The following ABCC2 variants were observed in gnomAD, a reference collection of about 807,000 sequenced individuals.
The protein encoded by ABCC2 is ATP binding cassette subfamily C member 2.
Under a neutral mutation model 173.4 loss-of-function variants are expected in ABCC2, and 157 were observed. The ratio of observed to expected loss-of-function variants is 0.91; its 90% CI spans 0.80 to 1.03. ABCC2 has a LOEUF of 1.03. Among genes scored for constraint, ABCC2 ranks in the 50% least tolerant of loss-of-function variants. The probability of loss-of-function intolerance (pLI) is 0.00; values close to 1 mark genes in which losing one functional copy is unlikely to be tolerated. For synonymous variants in ABCC2, 657 were observed against 693.5 expected, an observed-to-expected ratio of 0.95 and a Z score of 0.83; for missense variants, 1,822 against 1,852.3, an observed-to-expected ratio of 0.98 and a Z score of 0.30.
chr10:99,785,174 C>T (rs946431215), intron 2 of ABCC2, among the ~76,000 whole-genome samples: 1 of 152,176 alleles, frequency 6.6e-6, no homozygotes. Context: ...ATCTCCTGCC[C>T]CACTGAGGCA....
Position 99,807,459 on chromosome 10 carries a change from C to T in ABCC2, c.1606C>T (p.Leu536=), listed in dbSNP as rs1298422232. The T allele has an allele frequency of 6.2e-7, 1 of 1,614,116 alleles. No homozygotes were observed. Among genetic ancestry groups the T allele is most frequent in the Admixed American group, 1.7e-5 (1 of 60,010 alleles). The part of the protein sequence containing the change: ...QNLRKKELKN[L]LAFSQLQCVV... ...CCTCCGGAAGAAAGAGCTCAAGAAC[C>T]TGCTGGCCTTTAGTCAACTACAGTG... is the stretch of plus-strand genomic sequence containing the variant. The change falls in exon 12 of 32, where the codon CTG becomes TTG. Residue 536 remains leucine, a synonymous_variant. Transcript: ENST00000647814.
chr10:99,831,696 C>T lies in ABCC2; in HGVS notation c.2969C>T (p.Ser990Phe). The T allele has an allele frequency of 6.2e-7, 1 of 1,614,176 alleles. No individual in the cohort carries two copies. The highest frequency in any genetic ancestry group is 8.5e-7 in the Non-Finnish European group (1 of 1,180,024). ...FFIILAFVMNSVAFIGSNLWL... is the reference protein window; with the variant it reads ...FFIILAFVMNFVAFIGSNLWL... ...ATCATCCTTGCGTTTGTGATGAATT[C>T]TGTGGCTTTTATTGGATCCAACCTC... Residue 990 changes from serine (S) to phenylalanine (F), a missense_variant, in exon 22 of 32, where the codon TCT (serine) becomes TTT (phenylalanine). By Grantham distance (155) the Ser-to-Phe change is radical (BLOSUM62 -2). Coordinates refer to ENST00000647814, the MANE Select transcript of ABCC2 (RefSeq NM_000392.5).
chr10:99,819,122 C>A lies in ABCC2; in HGVS notation c.2473C>A (p.Leu825Ile). 6.2e-7 allele frequency: 1 copy of A among 1,614,158 alleles called. No individual in the cohort carries two copies. The highest frequency in any genetic ancestry group is 8.5e-7 in the Non-Finnish European group (1 of 1,180,024). Residue 825 changes from leucine (L) to isoleucine (I), a missense_variant, in exon 19 of 32, where the codon CTT becomes ATT. By Grantham distance (5) the Leu-to-Ile change is conservative (BLOSUM62 2). Coordinates refer to ENST00000647814, the MANE Select transcript of ABCC2 (RefSeq NM_000392.5). ...RLLVTHSMHF[L>I]PQVDEIVVLG... The stretch of plus-strand genomic sequence containing the variant: ...CTTGGTTACACATAGCATGCACTTT[C>A]TTCCTCAAGTGGATGAGATTGTAGT...
In ABCC2 at chr10:99,784,691, C is replaced by G. The variant is rs1590134009; in HGVS notation, c.117C>G (p.Tyr39Ter). The change falls in exon 2 of 32, where the codon TAC becomes TAG. Residue 39 changes from tyrosine to a stop codon, truncating the protein, a stop_gained. Transcript: ENST00000647814. LOFTEE classifies it high-confidence loss of function. ...QTVLVWIPLG[Y>*]LWLLAPWQLL... ...TTCTGGTGTGGATTCCCTTGGGCTA[C>G]CTATGGCTCCTGGCCCCCTGGCAGC... is the stretch of plus-strand genomic sequence containing the variant. The G allele has an allele frequency of 6.2e-7, 1 of 1,614,204 alleles. No homozygotes were observed. Among genetic ancestry groups the G allele is most frequent in the Non-Finnish European group, 8.5e-7 (1 of 1,180,036 alleles).
In ABCC2 at chr10:99,836,259, A is replaced by G. The variant is rs1235065840; in HGVS notation, c.3583A>G (p.Lys1195Glu). Residue 1195 changes from lysine to glutamate, a missense_variant, in exon 25 of 32, where the codon AAA becomes GAA. By Grantham distance (56) the Lys-to-Glu change is moderately conservative (BLOSUM62 1). Coordinates refer to ENST00000647814, the MANE Select transcript of ABCC2 (RefSeq NM_000392.5). The part of the protein sequence containing the change: ...HNEVRIDTNQ[K>E]CVFSWITSNR... ...TGAGGTGAGGATTGACACCAACCAGAAATGTGTCTTTTCCTGGATCACCTC... is the reference window on the plus strand; with the variant it reads ...TGAGGTGAGGATTGACACCAACCAGGAATGTGTCTTTTCCTGGATCACCTC... 10 of 1,614,040 alleles carry G rather than the reference A, an allele frequency of 6.2e-6. No individual in the cohort carries two copies. The highest frequency in any genetic ancestry group is 7.6e-6 in the Non-Finnish European group (9 of 1,180,042).
chr10:99,809,642 G>C (rs545188781), intron 13 of ABCC2, among the ~76,000 whole-genome samples: 1 of 152,308 alleles, frequency 6.6e-6, no homozygotes, highest in East Asian at 1.9e-4. Context: ...GGGACTGCAG[G>C]GTATTCTGCC....
intron 2 of ABCC2, among the ~76,000 whole-genome samples, chr10:99,789,870 A>G (rs2037784678): frequency 6.6e-6 from 1 of 152,220 alleles, no homozygotes; most frequent in African/African-American, 2.4e-5. Flanking sequence ...ATGTAAAAGT[A>G]TCAAAAAGCC....
chr10:99,807,259 C>T (rs2038125513), intron 11 of ABCC2, 125 bp from the exon 12 acceptor site: 4 of 1,276,198 alleles, frequency 3.1e-6, no homozygotes, highest in South Asian at 1.2e-5. Context: ...TGTAATCATA[C>T]TTTATAATCT....
chr10:99,822,912 CTGG>C (rs945411905), intron 19 of ABCC2, among the ~76,000 whole-genome samples: 3 of 152,168 alleles, frequency 2.0e-5, no homozygotes, highest in African/African-American at 7.2e-5. Flanking sequence ...CTACAATATC[CTGG>C]TCCATTGTCA....
rs747666537 is a variant in ABCC2 at position 99,831,941 on chromosome 10, TGTGCATG to T, written c.3104-31_3104-25del. The T allele has an allele frequency of 1.9e-6, 3 of 1,614,226 alleles. No homozygotes were observed. The South Asian group carries it at 3.3e-5, about 18-fold the overall frequency. ...CTGGGCACAAGTCTTCAGGGATTCC[TGTGCATG>T]GTGCTGACAAAACTGCTTCCATCTC... On this transcript the variant is annotated intron_variant, in intron 22 of 31. Transcript: ENST00000647814.
chr10:99,841,864 G>T, intron 25 of ABCC2, 103 bp from the exon 26 acceptor site: 2 of 1,548,626 alleles, frequency 1.3e-6, no homozygotes, highest in South Asian at 1.1e-5. Flanking sequence ...AGTGCGGCCC[G>T]ATCAAGTCAA....
chr10:99,796,458 C>T (rs759494551), intron 6 of ABCC2, among the ~76,000 whole-genome samples: 1 of 152,074 alleles, frequency 6.6e-6, no homozygotes, highest in African/African-American at 2.4e-5. Context: ...AAGCCGAGGT[C>T]GCGCCACTGC....
Position 99,852,116 on chromosome 10 carries a change from C to T in ABCC2, c.*485C>T. 2 of 161,400 alleles carry T rather than the reference C, an allele frequency of 1.2e-5. No individual in the cohort carries two copies. The highest frequency in any genetic ancestry group is 3.3e-4 in the South Asian group (2 of 6,026). 10.0% of individuals were successfully genotyped at this position (161,400 alleles called of 1,614,324 possible). A position where few individuals can be genotyped will look rare whatever the true frequency, so the allele number is the denominator to read the frequency against. ...AGTCTGGCATTGTATGAATACAGCACAATGTATCAGTTTTAATATTGGGGA... is the reference window on the plus strand; with the variant it reads ...AGTCTGGCATTGTATGAATACAGCATAATGTATCAGTTTTAATATTGGGGA... On this transcript the variant is annotated 3_prime_UTR_variant, in exon 32 of 32. Transcript: ENST00000647814.
Position 99,845,719 on chromosome 10 carries a change from T to C in ABCC2, c.4083T>C (p.Asp1361=). The C allele has an allele frequency of 1.2e-6, 2 of 1,613,832 alleles. No homozygotes were observed. The highest frequency in any genetic ancestry group is 1.7e-6 in the Non-Finnish European group (2 of 1,179,946). The change falls in exon 29 of 32, where the codon GAT becomes GAC. Residue 1361 remains aspartate (D), a synonymous_variant. Coordinates refer to ENST00000647814, the MANE Select transcript of ABCC2 (RefSeq NM_000392.5). The stretch of plus-strand genomic sequence containing the variant: ...CTGCCGGTGGTCAGATTATCATTGA[T>C]GGAGTAGATATTGCTTCCATTGGGC... ...LEAAGGQIII[D]GVDIASIGLH...
intron 19 of ABCC2, 82 bp from the exon 20 acceptor site, chr10:99,830,225 A>C: frequency 6.4e-7 from 1 of 1,567,916 alleles, no homozygotes; most frequent in Non-Finnish European, 8.8e-7. Flanking sequence ...CAGCAAGATC[A>C]GAGGAGGCTT....
At chr10:99,846,827 C>T in intron 29 of ABCC2, 134 bp from the exon 30 acceptor site, 1 of 1,259,184 alleles carries the variant, frequency 7.9e-7, no homozygotes. Context: ...CTTGCGGAAG[C>T]TCAACCACAA....
intron 19 of ABCC2, 104 bp from the exon 20 acceptor site, chr10:99,830,203 C>T: frequency 7.2e-7 from 1 of 1,389,034 alleles, no homozygotes; most frequent in Non-Finnish European, 1.0e-6. Context: ...ATCTGGGATC[C>T]CTTGCTGAAA....
At chr10:99,833,954 C>T (rs755932074) in intron 23 of ABCC2, among the ~76,000 whole-genome samples, 7 of 152,204 alleles carry the variant, frequency 4.6e-5, no homozygotes, top group Non-Finnish European at 1.0e-4. Flanking sequence ...TCTGTTCCCG[C>T]TGGGTTCCTT....
intron 19 of ABCC2, among the ~76,000 whole-genome samples, chr10:99,823,051 C>T (rs1293201707): frequency 6.6e-6 from 1 of 151,978 alleles, no homozygotes; most frequent in South Asian, 2.1e-4. Context: ...TCAACTATTA[C>T]ATGAACATAT....
Sources: allele counts gnomAD v4.1 joint callset (sites outside exome capture counted in the v4.1 genomes callset), GRCh38; gene constraint gnomAD v4.1.1; transcripts MANE v1.5; gene names NCBI Gene and HGNC (gene_info 2026-07-23, HGNC 2026-07-21).